Variants in PTBP2 observed in about 807,000 individuals in gnomAD.
PTBP2 encodes polypyrimidine tract binding protein 2, also known as polypyrimidine tract-binding protein 2.
A neutral mutation model predicts 61.4 loss-of-function variants in PTBP2; 13 were observed. The observed-to-expected ratio is 0.21, with a 90% CI of 0.14 to 0.34. The LOEUF is 0.34. Among genes scored for constraint, PTBP2 ranks in the 10% least tolerant of loss-of-function variants. The pLI, the probability that PTBP2 is intolerant of heterozygous loss-of-function variation, is 1.00. For synonymous variants in PTBP2, 215 were observed against 218.5 expected, an observed-to-expected ratio of 0.98 and a Z score of 0.14; for missense variants, 405 against 642.6, an observed-to-expected ratio of 0.63 and a Z score of 4.00.
At chr1:96,739,484 A>G (rs193096804) in intron 2 of PTBP2, among the ~76,000 whole-genome samples, 2 of 152,138 alleles carry the variant, frequency 1.3e-5, no homozygotes, top group African/African-American at 4.8e-5. Context: ...GCTGGTAACC[A>G]GCATTCTATT....
chr1:96,795,958 C>T (rs995580451), intron 8 of PTBP2, among the ~76,000 whole-genome samples: 2 of 152,170 alleles, frequency 1.3e-5, no homozygotes, highest in Non-Finnish European at 2.9e-5. Flanking sequence ...AATAACTTTA[C>T]ACAGTGCCTG....
chr1:96,781,134 T>C (rs1038658906), intron 7 of PTBP2, among the ~76,000 whole-genome samples: 1 of 152,034 alleles, frequency 6.6e-6, no homozygotes, highest in Admixed American at 6.6e-5. Flanking sequence ...ACAGACTTCT[T>C]ATATTCATGC....
At chr1:96,805,428 GTCTT>G (rs1442805371) in intron 9 of PTBP2, among the ~76,000 whole-genome samples, 7 of 151,938 alleles carry the variant, frequency 4.6e-5, no homozygotes, top group African/African-American at 1.7e-4. Flanking sequence ...CACTCTTCCC[GTCTT>G]TCTTAGTAAT....
intron 7 of PTBP2, among the ~76,000 whole-genome samples, chr1:96,784,030 G>T (rs1177584536): frequency 6.6e-6 from 1 of 152,044 alleles, no homozygotes; most frequent in African/African-American, 2.4e-5. Flanking sequence ...TATATTCCCA[G>T]AGGTGAGAAT....
At chr1:96,823,675 CTCCACCTGCTA>C (rs1662754463) in exon 14 of PTBP2, 1 of 152,126 alleles carries the variant, frequency 6.6e-6, no homozygotes, top group African/African-American at 2.4e-5. Context: ...ACCTATGTCT[CTCCACCTGCTA>C]TCTACTTCCA....
At chr1:96,727,982 T>TTAA (rs969468718) in intron 2 of PTBP2, among the ~76,000 whole-genome samples, 1 of 152,068 alleles carries the variant, frequency 6.6e-6, no homozygotes, top group African/African-American at 2.4e-5. Context: ...CTTTTGTTTG[T>TTAA]TAATAATAAT....
chr1:96,730,547 C>A (rs1651258111), intron 2 of PTBP2, among the ~76,000 whole-genome samples: 1 of 152,052 alleles, frequency 6.6e-6, no homozygotes, highest in South Asian at 2.1e-4. Flanking sequence ...TTTATTCTGG[C>A]CAGAGAACAT....
rs182310177 is a variant in PTBP2, at chr1:96,803,785, C to G, written c.905-1015C>G. On this transcript the variant is annotated intron_variant, in intron 8 of 13. Coordinates refer to ENST00000674951, the MANE Select transcript of PTBP2 (RefSeq NM_021190.4). ...AATGTGAACTTATGGAACAAGAGTG[C>G]TAAGGGCCTGTTCTACCCAGGTATG... Among the ~76,000 whole-genome samples the G allele has an allele frequency of 2.9e-3, 441 of 152,192 alleles. 2 individuals carry two copies. Among genetic ancestry groups the G allele is most frequent in the African/African-American group, 0.01 (431 of 41,552 alleles).
intron 2 of PTBP2, among the ~76,000 whole-genome samples, chr1:96,726,069 T>A (rs1650424839): frequency 1.5e-5 from 1 of 64,736 alleles, no homozygotes; most frequent in Non-Finnish European, 2.6e-5. Context: ...AGACAGACTC[T>A]ATCTCAAAAA....
chr1:96,731,921 G>T (rs373144448), intron 2 of PTBP2, among the ~76,000 whole-genome samples: 1 of 152,246 alleles, frequency 6.6e-6, no homozygotes, highest in African/African-American at 2.4e-5. Context: ...AGACAGAATT[G>T]TATGAAATGA....
intron 3 of PTBP2, among the ~76,000 whole-genome samples, chr1:96,765,237 G>A (rs963438285): frequency 6.6e-6 from 1 of 152,130 alleles, no homozygotes; most frequent in Non-Finnish European, 1.5e-5. Flanking sequence ...TTGATAAAGA[G>A]AGTTAGGAAA....
At chr1:96,750,161 C>T (rs1654355377) in intron 2 of PTBP2, among the ~76,000 whole-genome samples, 1 of 151,794 alleles carries the variant, frequency 6.6e-6, no homozygotes, top group Admixed American at 6.6e-5. Context: ...TGTCAGTAAG[C>T]TTCCAGGTCT....
chr1:96,806,351 C>T, intron 9 of PTBP2, 68 bp from the exon 10 acceptor site: 2 of 1,225,502 alleles, frequency 1.6e-6, no homozygotes, highest in Admixed American at 1.7e-5. Context: ...ATGATCTGTT[C>T]ATCTCCGCTC....
chr1:96,802,771 G>A (rs761368194), intron 8 of PTBP2, among the ~76,000 whole-genome samples: 5 of 152,134 alleles, frequency 3.3e-5, no homozygotes, highest in Admixed American at 1.3e-4. Flanking sequence ...TTAAGATACT[G>A]TTTTTCCTAA....
At chr1:96,798,479 C>T (rs188261002) in intron 8 of PTBP2, among the ~76,000 whole-genome samples, 1 of 152,212 alleles carries the variant, frequency 6.6e-6, no homozygotes, top group East Asian at 1.9e-4. Context: ...GTACACAAGA[C>T]TAATAACTAC....
At chr1:96,734,914 T>TC (rs1651954760) in intron 2 of PTBP2, among the ~76,000 whole-genome samples, 1 of 150,052 alleles carries the variant, frequency 6.7e-6, no homozygotes, top group South Asian at 2.1e-4. Context: ...TTTTTTTTTT[T>TC]TTTTTTTTCC....
intron 3 of PTBP2, among the ~76,000 whole-genome samples, chr1:96,767,204 A>G (rs1163856096): frequency 6.6e-6 from 1 of 152,140 alleles, no homozygotes; most frequent in African/African-American, 2.4e-5. Context: ...CTTCTGCTTA[A>G]TATCCACTAT....
At chr1:96,781,541 A>G (rs902475346) in intron 7 of PTBP2, among the ~76,000 whole-genome samples, 26 of 151,476 alleles carry the variant, frequency 1.7e-4, no homozygotes, top group African/African-American at 4.6e-4. Context: ...TGCTAATACT[A>G]TTTTTTCTCT....
chr1:96,823,347 C>G (rs1662742390), exon 14 of PTBP2: 1 of 152,204 alleles, frequency 6.6e-6, no homozygotes, highest in South Asian at 2.1e-4. Context: ...AATACTTGTT[C>G]ACTCTATACT....
Sources: gnomAD v4.1 joint callset for allele counts (sites outside exome capture counted in the v4.1 genomes callset) on GRCh38, gnomAD v4.1.1 for gene constraint, MANE v1.5 for transcripts, NCBI Gene and HGNC (gene_info 2026-07-23, HGNC 2026-07-21) for gene names.